The following COL3A1 variants were observed in gnomAD, a reference collection of about 807,000 sequenced individuals.
The protein encoded by COL3A1 is collagen type III alpha 1 chain.
COL3A1 carries 46 observed loss-of-function variants against 200.9 expected under a neutral mutation model. The ratio of observed to expected loss-of-function variants is 0.23; its 90% CI spans 0.18 to 0.29. COL3A1 has a LOEUF of 0.29. Ranked by LOEUF, COL3A1 falls within the 10% of genes least tolerant of loss-of-function variation. The pLI is 1.00. For synonymous variants in COL3A1, 650 were observed against 628.0 expected (o/e 1.03, Z -0.52); for missense variants, 1,367 against 1,917.6 (o/e 0.71, Z 5.36).
chr2:189,004,433 C>T, intron 40 of COL3A1, 69 bp downstream of exon 40: 1 of 1,424,560 alleles, frequency 7.0e-7, no homozygotes, highest in Middle Eastern at 2.3e-4. Flanking sequence ...TTAACCATAT[C>T]AAGGATGAAA....
At chr2:188,989,327 C>G in intron 7 of COL3A1, 69 bp from the exon 8 acceptor site, 1 of 1,147,564 alleles carries the variant, frequency 8.7e-7, no homozygotes, top group Non-Finnish European at 1.3e-6. Flanking sequence ...GGAATACATA[C>G]ACTGTGTAAT....
intron 5 of COL3A1, 23 bp downstream of exon 5, chr2:188,987,162 A>G (rs2153501645): frequency 6.3e-7 from 1 of 1,581,472 alleles, no homozygotes; most frequent in Middle Eastern, 1.7e-4. Context: ...GTTTCTCAGC[A>G]TTTTGGAGCT....
chr2:188,976,450 A>T (rs1559049701), intron 1 of COL3A1, among the ~76,000 whole-genome samples: 1 of 151,772 alleles, frequency 6.6e-6, no homozygotes, highest in Non-Finnish European at 1.5e-5. Flanking sequence ...TGTTCAGCCT[A>T]TTTTTTTTGT....
intron 10 of COL3A1, 75 bp downstream of exon 10, chr2:188,990,435 C>A: frequency 9.1e-7 from 1 of 1,104,084 alleles, no homozygotes; most frequent in Non-Finnish European, 1.4e-6. Flanking sequence ...TTTTACTGGA[C>A]AATTATGTGC....
intron 10 of COL3A1, 152 bp downstream of exon 10, chr2:188,990,512 C>A: frequency 1.4e-6 from 1 of 739,594 alleles, no homozygotes; most frequent in Admixed American, 2.5e-5. Context: ...GTTTGTTGAC[C>A]AAACTAGTCA....
Position 188,998,724 on chromosome 2 carries a change from A to G in COL3A1, c.2022+6A>G. 1 of 1,613,318 alleles carries G rather than the reference A, an allele frequency of 6.2e-7. No individual in the cohort carries two copies. The highest frequency in any genetic ancestry group is 8.5e-7 in the Non-Finnish European group (1 of 1,179,382). Reference sequence around the variant, plus strand: ...CTGGAGCTCCAGGAGGCAAGGTAGTATTTCAATTTATTCTCTACCTTCTTC... The same window carrying G: ...CTGGAGCTCCAGGAGGCAAGGTAGTGTTTCAATTTATTCTCTACCTTCTTC... On this transcript the variant is annotated splice_donor_region_variant and intron_variant, in intron 29 of 50. Transcript: ENST00000304636.
intron 48 of COL3A1, 107 bp from the exon 49 acceptor site, chr2:189,010,071 A>C: frequency 9.8e-7 from 1 of 1,022,252 alleles, no homozygotes; most frequent in South Asian, 1.3e-5. Flanking sequence ...CATAAAATGC[A>C]GACACATTAG....
rs928740001 is a variant in COL3A1 at position 189,012,523 on chromosome 2, G to A, written c.*749G>A. The stretch of plus-strand genomic sequence containing the variant: ...GTTGACTTGCATTCAGAACATAAAT[G>A]CACAAAATCTGTACATGTCTCCCAT... On this transcript the variant is annotated 3_prime_UTR_variant, in exon 51 of 51. Transcript: ENST00000304636. 1.3e-5 allele frequency: 2 copies of A among 152,438 alleles called. No individual in the cohort carries two copies. Among genetic ancestry groups the A allele is most frequent in the African/African-American group, 4.8e-5 (2 of 41,380 alleles). The allele number at this position is 152,438 out of a possible 1,614,324, so 9.4% of individuals were successfully genotyped here.
At chr2:188,978,562 C>T (rs1476623075) in intron 1 of COL3A1, among the ~76,000 whole-genome samples, 1 of 151,744 alleles carries the variant, frequency 6.6e-6, no homozygotes, top group East Asian at 1.9e-4. Context: ...ATGATATCAC[C>T]GCCTTGAAGT....
At position 189,003,059 on chromosome 2, in the gene COL3A1, T is replaced by C. The variant is rs794727586; in HGVS notation, c.2550T>C (p.Pro850=). 49 of 1,548,634 alleles carry C rather than the reference T, an allele frequency of 3.2e-5. No individual in the cohort carries two copies. Among genetic ancestry groups the C allele is most frequent in the Non-Finnish European group, 4.0e-5 (46 of 1,144,458 alleles). The change falls in exon 36 of 51, where the codon CCT becomes CCC. Residue 850 remains proline (P), a synonymous_variant. Coordinates refer to ENST00000304636, the MANE Select transcript of COL3A1 (RefSeq NM_000090.4). ...GVAGPPGGSG[P]AGPPGPQGVK... ...CAGGACCCCCTGGAGGTTCTGGACCTGCTGTAAGTTCCTTCCTCTTTCTCT... is the reference window on the plus strand; with the variant it reads ...CAGGACCCCCTGGAGGTTCTGGACCCGCTGTAAGTTCCTTCCTCTTTCTCT...
rs761063254 is a variant in COL3A1, at chr2:188,974,463, A to C, written c.-27A>C. 3.8e-6 allele frequency: 6 copies of C among 1,589,816 alleles called. No homozygotes were observed. The Admixed American group carries it at 1.0e-4, about 27-fold the overall frequency. On this transcript the variant is annotated 5_prime_UTR_variant, in exon 1 of 51. Coordinates refer to ENST00000304636, the MANE Select transcript of COL3A1 (RefSeq NM_000090.4). ...TGCTTTTCTTTTCTCCTTTTTGCAC[A>C]AAGAGTCTCATGTCTGATATTTAGA...
chr2:188,998,626 T>A (rs1688383088), intron 28 of COL3A1, 48 bp from the exon 29 acceptor site: 1 of 1,571,864 alleles, frequency 6.4e-7, no homozygotes, highest in East Asian at 2.2e-5. Flanking sequence ...TATATTTACA[T>A]AAAATGCACT....
chr2:189,008,074 A>C lies in COL3A1; in HGVS notation c.3457A>C (p.Thr1153Pro). Residue 1153 changes from threonine to proline, a missense_variant, in exon 47 of 51, where the codon ACC becomes CCC. Physicochemically the swap from Thr to Pro is conservative, Grantham distance 38. This residue lies in a region of COL3A1 where 846 missense variants were observed against 1,147.9 expected (regional missense o/e 0.74). Coordinates refer to ENST00000304636, the MANE Select transcript of COL3A1 (RefSeq NM_000090.4). ...GPSGPPGKDGTSGHPGPIGPP... is the reference protein window; with the variant it reads ...GPSGPPGKDGPSGHPGPIGPP... ...CAGTGGACCTCCTGGCAAAGATGGAACCAGTGGACATCCAGGTCCCATTGG... is the reference window on the plus strand; with the variant it reads ...CAGTGGACCTCCTGGCAAAGATGGACCCAGTGGACATCCAGGTCCCATTGG... 6.2e-7 allele frequency: 1 copy of C among 1,614,072 alleles called. No individual in the cohort carries two copies. The highest frequency in any genetic ancestry group is 8.5e-7 in the Non-Finnish European group (1 of 1,179,958).
At chr2:188,997,105 A>ATAT (rs1559057594) in intron 24 of COL3A1, 60 bp from the exon 25 acceptor site, 3 of 1,396,608 alleles carry the variant, frequency 2.1e-6, no homozygotes, top group African/African-American at 2.9e-5. Flanking sequence ...TATATGAGAC[A>ATAT]ATAATATGAT....
Position 189,012,043 on chromosome 2 carries a change from CTCTT to C in COL3A1, c.*271_*274del. 2.1e-6 allele frequency: 1 copy of C among 465,520 alleles called. No individual in the cohort carries two copies. Among genetic ancestry groups the C allele is most frequent in the South Asian group, 2.1e-5 (1 of 46,658 alleles). 28.8% of individuals were successfully genotyped at this position (465,520 alleles called of 1,614,324 possible). Reference sequence around the variant, plus strand: ...GTGCTATAATAAATAAACTTCAACACTCTTTATGATAACAACACTGTGTTATATT... The same window carrying C: ...GTGCTATAATAAATAAACTTCAACACTATGATAACAACACTGTGTTATATT... On this transcript the variant is annotated 3_prime_UTR_variant, in exon 51 of 51. Coordinates refer to ENST00000304636, the MANE Select transcript of COL3A1 (RefSeq NM_000090.4).
At chr2:188,999,741 A>T in intron 31 of COL3A1, 101 bp from the exon 32 acceptor site, 3 of 1,374,220 alleles carry the variant, frequency 2.2e-6, no homozygotes, top group Non-Finnish European at 3.0e-6. Context: ...GAATTAGAAC[A>T]CCCAATATAT....
rs112143266 is a variant in COL3A1 at position 188,996,249 on chromosome 2, A to AGT, written c.1662+92_1662+93dup. The stretch of plus-strand genomic sequence containing the variant: ...GAATGTATATGTTGGCCTATCCTTG[A>AGT]GTGTGTGTGTGTGTGTGTGTGTATA... On this transcript the variant is annotated intron_variant, in intron 23 of 50. Coordinates refer to ENST00000304636, the MANE Select transcript of COL3A1 (RefSeq NM_000090.4). 9.4e-3 allele frequency: 8,459 copies of AGT among 902,676 alleles called. 37 individuals carry two copies. The highest frequency in any genetic ancestry group is 0.028 in the African/African-American group (1,480 of 53,164). The allele number at this position is 902,676 out of a possible 1,614,324, so 55.9% of individuals were successfully genotyped here. A position where few individuals can be genotyped will look rare whatever the true frequency, so the allele number is the denominator to read the frequency against.
chr2:189,010,108 G>A, intron 48 of COL3A1, 70 bp from the exon 49 acceptor site: 1 of 1,490,966 alleles, frequency 6.7e-7, no homozygotes, highest in Middle Eastern at 1.7e-4. Flanking sequence ...TGCCTTTACA[G>A]GTAAACAAAC....
chr2:188,996,667 ATG>A lies in COL3A1; in HGVS notation c.1761+179_1761+180del, dbSNP rs41263755. Reference sequence around the variant, plus strand: ...TAAATATATAATTGGTTATGGTTGTATGTGTGTGTATGGAGCAGGCAGATAAA... The same window carrying A: ...TAAATATATAATTGGTTATGGTTGTATGTGTGTATGGAGCAGGCAGATAAA... On this transcript the variant is annotated intron_variant, in intron 24 of 50. Coordinates refer to ENST00000304636, the MANE Select transcript of COL3A1 (RefSeq NM_000090.4). 0.076 allele frequency among the ~76,000 whole-genome samples: 11,623 copies of A among 152,170 alleles called. 1,312 individuals carry two copies. Among genetic ancestry groups the A allele is most frequent in the African/African-American group, 0.25 (10,168 of 41,474 alleles).
Sources: gnomAD v4.1 joint callset for allele counts (sites outside exome capture counted in the v4.1 genomes callset) on GRCh38, gnomAD v4.1.1 for gene constraint, gnomAD v4.1.1 regional missense constraint, MANE v1.5 for transcripts, NCBI Gene and HGNC (gene_info 2026-07-23, HGNC 2026-07-21) for gene names.